The following ZNF385D variants were observed in gnomAD, a reference collection of about 807,000 sequenced individuals.
ZNF385D encodes zinc finger protein 659.
Under a neutral mutation model 35.8 loss-of-function variants are expected in ZNF385D, and 15 were observed. The ratio of observed to expected loss-of-function variants is 0.42; its 90% CI spans 0.28 to 0.64. The LOEUF is 0.64. Among genes scored for constraint, ZNF385D ranks in the 30% least tolerant of loss-of-function variants. The pLI is 0.23. For missense variants in ZNF385D, 474 were observed against 494.6 expected (o/e 0.96, Z 0.39); for synonymous variants, 212 against 186.8 (o/e 1.13, Z -1.10).
intron 3 of ZNF385D, among the ~76,000 whole-genome samples, chr3:21,804,366 G>T (rs7431722): frequency 0.92 from 140,744 of 152,226 alleles, 65,146 homozygotes; most frequent in East Asian, 0.98. Context: ...AATGAACAGG[G>T]GTGGTGGTAG....
chr3:21,824,765 T>G (rs144824866), intron 3 of ZNF385D, among the ~76,000 whole-genome samples: 1 of 152,274 alleles, frequency 6.6e-6, no homozygotes, highest in East Asian at 1.9e-4. Flanking sequence ...TAAAATGGAA[T>G]AGTTTAATAT....
At chr3:21,997,524 A>G (rs987596349) in intron 3 of ZNF385D, among the ~76,000 whole-genome samples, 1 of 152,050 alleles carries the variant, frequency 6.6e-6, no homozygotes, top group Non-Finnish European at 1.5e-5. Flanking sequence ...TGATTTTTAA[A>G]ATCTACTTTC....
At chr3:21,680,869 C>A (rs2066877034) in intron 1 of ZNF385D, among the ~76,000 whole-genome samples, 1 of 152,098 alleles carries the variant, frequency 6.6e-6, no homozygotes, top group Non-Finnish European at 1.5e-5. Context: ...CACAGTTCAG[C>A]ATAGAAATAT....
At chr3:21,619,930 A>G (rs1265846898) in intron 2 of ZNF385D, among the ~76,000 whole-genome samples, 1 of 152,136 alleles carries the variant, frequency 6.6e-6, no homozygotes, top group African/African-American at 2.4e-5. Flanking sequence ...CAGCCACATT[A>G]CACCCTGAGT....
intron 2 of ZNF385D, among the ~76,000 whole-genome samples, chr3:22,214,475 C>G (rs1329616905): frequency 1.7e-4 from 26 of 152,152 alleles, no homozygotes; most frequent in African/African-American, 5.1e-4. Context: ...CTGACCGCCG[C>G]TGAGCCAGGC....
intron 3 of ZNF385D, among the ~76,000 whole-genome samples, chr3:22,129,077 G>T (rs1703619205): frequency 6.6e-6 from 1 of 152,162 alleles, no homozygotes; most frequent in Non-Finnish European, 1.5e-5. Context: ...TAAGACTCTT[G>T]CAGACTTGTA....
intron 3 of ZNF385D, among the ~76,000 whole-genome samples, chr3:21,908,710 C>A (rs1477489021): frequency 6.6e-6 from 1 of 151,938 alleles, no homozygotes; most frequent in African/African-American, 2.4e-5. Flanking sequence ...ACAGCATGGG[C>A]AAAGTTCTCA....
At chr3:21,784,289 T>C (rs1333213867) in intron 3 of ZNF385D, among the ~76,000 whole-genome samples, 1 of 152,208 alleles carries the variant, frequency 6.6e-6, no homozygotes, top group African/African-American at 2.4e-5. Flanking sequence ...CCTAGCCAGC[T>C]CTCAATGTGG....
At chr3:22,142,671 G>A (rs113464330) in intron 3 of ZNF385D, among the ~76,000 whole-genome samples, 407 of 152,192 alleles carry the variant, frequency 2.7e-3, no homozygotes, top group Non-Finnish European at 4.3e-3. Flanking sequence ...GAAGCCATCA[G>A]CCAAACAGCC....
At chr3:22,209,105 C>T (rs755113514) in intron 2 of ZNF385D, among the ~76,000 whole-genome samples, 1 of 151,826 alleles carries the variant, frequency 6.6e-6, no homozygotes, top group South Asian at 2.1e-4. Flanking sequence ...TCTGCTCCTC[C>T]GATTCATTCA....
At chr3:22,302,262 A>G (rs1183472275) in intron 2 of ZNF385D, among the ~76,000 whole-genome samples, 1 of 152,038 alleles carries the variant, frequency 6.6e-6, no homozygotes, top group African/African-American at 2.4e-5. Flanking sequence ...GGGACTCCAC[A>G]TCTTCATCAA....
At chr3:21,791,779 G>C (rs1367985434) in intron 3 of ZNF385D, among the ~76,000 whole-genome samples, 1 of 152,172 alleles carries the variant, frequency 6.6e-6, no homozygotes, top group Non-Finnish European at 1.5e-5. Context: ...TCTGTCATCA[G>C]GCTGGAGTGT....
rs554500618 is a variant in ZNF385D at position 21,721,828 on chromosome 3, G to A, written c.22+29067C>T. On this transcript the variant is annotated intron_variant, in intron 1 of 7. Coordinates refer to ENST00000281523, the MANE Select transcript of ZNF385D (RefSeq NM_024697.3). ...TAAAGAGATATTTGTGGCCAGGCGC[G>A]GTGGCTCACGCCTGTATTCCCAGCA... 2.1e-4 allele frequency among the ~76,000 whole-genome samples: 32 copies of A among 152,276 alleles called. No homozygotes were observed. The South Asian group carries it at 2.9e-3, about 14-fold the overall frequency.
intron 2 of ZNF385D, among the ~76,000 whole-genome samples, chr3:21,578,826 G>C (rs2063569232): frequency 6.6e-6 from 1 of 151,824 alleles, no homozygotes; most frequent in African/African-American, 2.4e-5. Flanking sequence ...GGTCTTTTGT[G>C]GTTCCATATG....
intron 3 of ZNF385D, among the ~76,000 whole-genome samples, chr3:21,856,557 C>T (rs965329381): frequency 6.6e-6 from 1 of 151,814 alleles, no homozygotes; most frequent in African/African-American, 2.4e-5. Context: ...GGAATTTTCC[C>T]CCTTATTTTC....
At chr3:21,771,556 A>G (rs961050627) in intron 3 of ZNF385D, among the ~76,000 whole-genome samples, 1 of 151,934 alleles carries the variant, frequency 6.6e-6, no homozygotes, top group Admixed American at 6.6e-5. Flanking sequence ...AAAAACTTCA[A>G]CACAATTACC....
chr3:21,799,143 T>C (rs1005966430), intron 3 of ZNF385D, among the ~76,000 whole-genome samples: 1 of 152,214 alleles, frequency 6.6e-6, no homozygotes, highest in Non-Finnish European at 1.5e-5. Flanking sequence ...TCATTCATTT[T>C]TGTGGCAGAA....
chr3:21,802,416 G>C (rs1377199431), intron 3 of ZNF385D, among the ~76,000 whole-genome samples: 2 of 152,104 alleles, frequency 1.3e-5, no homozygotes, highest in African/African-American at 2.4e-5. Context: ...CCCTGAAAGA[G>C]AAGGCTATGA....
At chr3:21,767,819 TTAG>T (rs1276734291) in intron 3 of ZNF385D, among the ~76,000 whole-genome samples, 1 of 152,074 alleles carries the variant, frequency 6.6e-6, no homozygotes, top group Non-Finnish European at 1.5e-5. Context: ...TTGGAACGCT[TTAG>T]TAATTAAAGA....
Sources: allele counts gnomAD v4.1 joint callset (sites outside exome capture counted in the v4.1 genomes callset), GRCh38; gene constraint gnomAD v4.1.1; transcripts MANE v1.5; gene names NCBI Gene and HGNC (gene_info 2026-07-23, HGNC 2026-07-21).